DOCK2: variants seen among roughly 807,000 people sequenced by gnomAD.
DOCK2 encodes dedicator of cytokinesis protein 2.
DOCK2 carries 87 observed loss-of-function variants against 248.9 expected under a neutral mutation model. The observed-to-expected ratio is 0.35, with a 90% CI of 0.29 to 0.42. DOCK2 has a LOEUF of 0.42. Among genes scored for constraint, DOCK2 ranks in the 10% least tolerant of loss-of-function variants. The pLI is 1.00. For synonymous variants in DOCK2, 805 were observed against 821.6 expected, an observed-to-expected ratio of 0.98 and a Z score of 0.35; for missense variants, 1,747 against 2,300.2, an observed-to-expected ratio of 0.76 and a Z score of 4.92.
chr5:169,675,861 G>A (rs1759305950), intron 6 of DOCK2, among the ~76,000 whole-genome samples: 2 of 152,212 alleles, frequency 1.3e-5, no homozygotes, highest in Non-Finnish European at 2.9e-5. Context: ...ACTCACAGCT[G>A]GTCTCCATCC....
At position 170,029,119 on chromosome 5, in the gene DOCK2, C is replaced by T. The variant is rs374872466; in HGVS notation, c.3467+1171C>T. 4.2e-4 allele frequency among the ~76,000 whole-genome samples: 64 copies of T among 152,210 alleles called. No homozygotes were observed. The South Asian group carries it at 8.9e-3, about 21-fold the overall frequency. On this transcript the variant is annotated intron_variant, in intron 34 of 51. Coordinates refer to ENST00000520908, the MANE Select transcript of DOCK2 (RefSeq NM_004946.3). ...CTAGAAATTGAATTGCTGGATCATA[C>T]GGCACCTATATTTGACCTTTTGAGG...
chr5:169,888,127 T>C (rs2113528028), intron 27 of DOCK2, among the ~76,000 whole-genome samples: 1 of 152,332 alleles, frequency 6.6e-6, no homozygotes. Context: ...GTTTAGGAAA[T>C]ACAAAATTTT....
chr5:169,910,487 G>T (rs924810838), intron 27 of DOCK2, among the ~76,000 whole-genome samples: 2 of 152,106 alleles, frequency 1.3e-5, no homozygotes, highest in Admixed American at 1.3e-4. Flanking sequence ...GGTTGGAGGC[G>T]TGCTTACCTT....
intron 26 of DOCK2, among the ~76,000 whole-genome samples, chr5:169,816,691 A>AT (rs1216215940): frequency 6.6e-6 from 1 of 150,572 alleles, no homozygotes; most frequent in Non-Finnish European, 1.5e-5. Context: ...CTTTTTTTTA[A>AT]TTTTTAATTT....
At chr5:170,045,427 C>T (rs942394670) in intron 38 of DOCK2, among the ~76,000 whole-genome samples, 1 of 152,260 alleles carries the variant, frequency 6.6e-6, no homozygotes, top group South Asian at 2.1e-4. Flanking sequence ...GAGACACACA[C>T]GGGGGCTTGC....
At chr5:169,906,672 T>G (rs1379128566) in intron 27 of DOCK2, among the ~76,000 whole-genome samples, 1 of 152,154 alleles carries the variant, frequency 6.6e-6, no homozygotes, top group Non-Finnish European at 1.5e-5. Context: ...TTGATGAAAG[T>G]CACATACCTG....
intron 25 of DOCK2, among the ~76,000 whole-genome samples, chr5:169,800,535 A>T (rs1279722400): frequency 1.3e-5 from 2 of 152,194 alleles, no homozygotes. Context: ...AATTACGTTT[A>T]TTGGAATTTA....
In DOCK2 at chr5:169,884,097, C is replaced by T. The variant is rs76161099; in HGVS notation, c.2799+43245C>T. On this transcript the variant is annotated intron_variant, in intron 27 of 51. Transcript: ENST00000520908. ...GTCTACGTAGGAACTATCTGTAATG[C>T]TTTCCCTGCAGTTAAAATATTAATT... The T allele has an allele frequency of 4.3e-3, 1,809 of 424,136 alleles. 26 individuals carry two copies. The highest frequency in any genetic ancestry group is 0.033 in the African/African-American group (1,627 of 49,744). 26.3% of individuals were successfully genotyped at this position (424,136 alleles called of 1,614,324 possible).
chr5:169,756,741 C>A (rs184529439), intron 23 of DOCK2, among the ~76,000 whole-genome samples: 3 of 152,248 alleles, frequency 2.0e-5, no homozygotes, highest in Non-Finnish European at 4.4e-5. Context: ...GCCTGACCAA[C>A]GTGGTGAAAC....
intron 25 of DOCK2, among the ~76,000 whole-genome samples, chr5:169,777,581 A>G (rs1765456289): frequency 6.6e-6 from 1 of 152,188 alleles, no homozygotes; most frequent in South Asian, 2.1e-4. Flanking sequence ...TGGTGTAGGC[A>G]CAACACAGGA....
intron 46 of DOCK2, among the ~76,000 whole-genome samples, chr5:170,074,043 CTG>C (rs1757762586): frequency 6.6e-6 from 1 of 151,924 alleles, no homozygotes; most frequent in Non-Finnish European, 1.5e-5. Flanking sequence ...AATTTATTTT[CTG>C]TGTTTTCTAA....
intron 1 of DOCK2, among the ~76,000 whole-genome samples, 153 bp from the exon 2 acceptor site, chr5:169,654,250 T>G (rs1164714991): frequency 1.3e-5 from 2 of 152,196 alleles, no homozygotes; most frequent in African/African-American, 4.8e-5. Flanking sequence ...CTGAAATAAC[T>G]CTTGTGGCAG....
chr5:169,681,453 G>A (rs1165912104), intron 6 of DOCK2, among the ~76,000 whole-genome samples: 2 of 150,346 alleles, frequency 1.3e-5, no homozygotes, highest in African/African-American at 4.9e-5. Flanking sequence ...AATACTTGCT[G>A]ATGTGAACAA....
rs564910831 is a variant in DOCK2, at chr5:169,638,851, G to A, written c.43+1482G>A. 4.1e-4 allele frequency among the ~76,000 whole-genome samples: 63 copies of A among 152,164 alleles called. 1 individual carries two copies. Among genetic ancestry groups the A allele is most frequent in the Non-Finnish European group, 2.2e-4 (15 of 68,034 alleles). On this transcript the variant is annotated intron_variant, in intron 1 of 51. Transcript: ENST00000520908. ...AAGTTTACATCACTTGGAAGCAATG[G>A]AGCGGGCCTTAAATTCAATTGTCTT...
intron 26 of DOCK2, among the ~76,000 whole-genome samples, chr5:169,822,431 G>T (rs530784026): frequency 3.9e-5 from 6 of 152,218 alleles, no homozygotes; most frequent in Non-Finnish European, 7.3e-5. Context: ...TCAGACCACA[G>T]TGCAATCAAA....
At chr5:169,994,021 A>T (rs2113796040) in intron 29 of DOCK2, among the ~76,000 whole-genome samples, 1 of 152,284 alleles carries the variant, frequency 6.6e-6, no homozygotes, top group South Asian at 2.1e-4. Flanking sequence ...CCCCACTCTG[A>T]GCAATTGGAA....
intron 27 of DOCK2, among the ~76,000 whole-genome samples, chr5:169,888,062 T>C (rs1773075547): frequency 6.6e-6 from 1 of 151,942 alleles, no homozygotes. Flanking sequence ...AAAATGAAAA[T>C]TTGAATAGTC....
At chr5:169,939,212 T>TG (rs1213752091) in intron 27 of DOCK2, among the ~76,000 whole-genome samples, 1 of 151,466 alleles carries the variant, frequency 6.6e-6, no homozygotes, top group Non-Finnish European at 1.5e-5. Flanking sequence ...CCTTTTTTTT[T>TG]TTTTTAAACT....
chr5:169,992,854 A>G (rs1160607088), intron 29 of DOCK2, among the ~76,000 whole-genome samples: 1 of 152,204 alleles, frequency 6.6e-6, no homozygotes, highest in Non-Finnish European at 1.5e-5. Context: ...GTTAAGTGAT[A>G]TTCTGATTTC....
Sources: gnomAD v4.1 joint callset for allele counts (sites outside exome capture counted in the v4.1 genomes callset) on GRCh38, gnomAD v4.1.1 for gene constraint, MANE v1.5 for transcripts, NCBI Gene and HGNC (gene_info 2026-07-23, HGNC 2026-07-21) for gene names.